MARK3: variants seen among roughly 807,000 people sequenced by gnomAD.
The protein encoded by MARK3 is microtubule affinity regulating kinase 3.
A neutral mutation model predicts 90.1 loss-of-function variants in MARK3; 46 were observed. That is an observed-to-expected ratio of 0.51 (90% CI 0.40 to 0.65). The LOEUF is 0.65. MARK3 is among the 30% of genes least tolerant of loss of function. The pLI is 0.00. For missense variants in MARK3, 818 were observed against 947.2 expected (o/e 0.86, Z 1.79); for synonymous variants, 321 against 332.6 (o/e 0.97, Z 0.38).
chr14:103,486,263 A>G (rs922296774), intron 14 of MARK3, among the ~76,000 whole-genome samples: 3 of 152,086 alleles, frequency 2.0e-5, no homozygotes, highest in African/African-American at 7.2e-5. Context: ...ACATGGTGAA[A>G]CCCCATCTCT....
rs2093143829 is a variant in MARK3, at chr14:103,451,369, A to G, written c.347-549A>G. 2.0e-5 allele frequency among the ~76,000 whole-genome samples: 3 copies of G among 152,300 alleles called. No individual in the cohort carries two copies. The South Asian group carries it at 6.2e-4, about 32-fold the overall frequency. ...CTTATAAAAAAGATTCCCCCCCTCAATTAATTGCAGTATAATCCCTCTACT... is the reference window on the plus strand; with the variant it reads ...CTTATAAAAAAGATTCCCCCCCTCAGTTAATTGCAGTATAATCCCTCTACT... On this transcript the variant is annotated intron_variant, in intron 4 of 17. Transcript: ENST00000429436.
intron 1 of MARK3, among the ~76,000 whole-genome samples, chr14:103,390,715 TATTTTG>T (rs1443236363): frequency 6.6e-6 from 1 of 152,208 alleles, no homozygotes. Context: ...CTGTAGATTT[TATTTTG>T]ATTTTGAGAC....
intron 3 of MARK3, among the ~76,000 whole-genome samples, chr14:103,428,710 C>G (rs2092487899): frequency 6.6e-6 from 1 of 151,798 alleles, no homozygotes; most frequent in Admixed American, 6.6e-5. Context: ...CGAGGCTGTA[C>G]TTTTTATTGA....
In MARK3 at chr14:103,464,229, T is replaced by C. The variant is rs948333376; in HGVS notation, c.541-1328T>C. 3.3e-5 allele frequency among the ~76,000 whole-genome samples: 5 copies of C among 151,026 alleles called. No individual in the cohort carries two copies. The East Asian group carries it at 9.7e-4, about 29-fold the overall frequency. On this transcript the variant is annotated intron_variant, in intron 7 of 17. Transcript: ENST00000429436. ...ATCATTATCCATCCAGACACTAATA[T>C]AGCATCTGCTGTGGAGTAGCCACAT...
At chr14:103,409,972 A>G (rs371894481) in intron 2 of MARK3, among the ~76,000 whole-genome samples, 27 of 152,306 alleles carry the variant, frequency 1.8e-4, no homozygotes, top group South Asian at 8.3e-4. Context: ...GTGGATGACT[A>G]TTTGACATTG....
intron 14 of MARK3, among the ~76,000 whole-genome samples, chr14:103,485,885 A>T (rs1001469754): frequency 2.2e-4 from 33 of 152,190 alleles, no homozygotes; most frequent in African/African-American, 4.6e-4. Context: ...AAATATATAT[A>T]TTTTTTAATT....
At chr14:103,415,505 T>C (rs1365688603) in intron 2 of MARK3, among the ~76,000 whole-genome samples, 1 of 152,240 alleles carries the variant, frequency 6.6e-6, no homozygotes, top group Non-Finnish European at 1.5e-5. Flanking sequence ...ATCCCATATT[T>C]ACTATGAATC....
intron 2 of MARK3, among the ~76,000 whole-genome samples, chr14:103,424,214 GAAAA>G (rs373848330): frequency 6.9e-6 from 1 of 145,250 alleles, no homozygotes; most frequent in East Asian, 2.0e-4. Flanking sequence ...TGTCTCAAGA[GAAAA>G]AAAAAACGCA....
chr14:103,405,248 A>C lies in MARK3; in HGVS notation c.224A>C (p.His75Pro). The C allele has an allele frequency of 6.4e-7, 1 of 1,554,094 alleles. No individual in the cohort carries two copies. The highest frequency in any genetic ancestry group is 8.7e-7 in the Non-Finnish European group (1 of 1,152,428). Residue 75 changes from histidine (H) to proline (P), a missense_variant, in exon 2 of 18, where the codon CAT (histidine) becomes CCT (proline). By Grantham distance (77) the His-to-Pro change is moderately conservative. Transcript: ENST00000429436. ...TTTGCAAAAGTAAAATTGGCAAGAC[A>C]TATCCTTACAGGCAGAGAGGTAAAT... ...GNFAKVKLARHILTGREVAIK... is the reference protein window; with the variant it reads ...GNFAKVKLARPILTGREVAIK...
intron 2 of MARK3, among the ~76,000 whole-genome samples, chr14:103,414,433 G>C (rs766438726): frequency 6.6e-6 from 1 of 152,082 alleles, no homozygotes; most frequent in African/African-American, 2.4e-5. Flanking sequence ...TTGAACTCCC[G>C]ACCTCAGATG....
chr14:103,438,605 G>A (rs2092774299), intron 3 of MARK3, among the ~76,000 whole-genome samples: 1 of 152,142 alleles, frequency 6.6e-6, no homozygotes, highest in Non-Finnish European at 1.5e-5. Context: ...AATTTTTCCT[G>A]ATGTTGCTCT....
intron 12 of MARK3, among the ~76,000 whole-genome samples, chr14:103,468,825 C>T (rs1212346643): frequency 1.4e-5 from 2 of 146,146 alleles, no homozygotes; most frequent in Non-Finnish European, 3.0e-5. Context: ...ATGGGGGTCT[C>T]GCTATGTTGC....
At chr14:103,502,428 C>T (rs1264353395) in intron 17 of MARK3, among the ~76,000 whole-genome samples, 1 of 152,214 alleles carries the variant, frequency 6.6e-6, no homozygotes, top group Non-Finnish European at 1.5e-5. Context: ...TCTCCAGTTA[C>T]CCTGAGTGCC....
chr14:103,457,371 C>T (rs957235075), intron 6 of MARK3, among the ~76,000 whole-genome samples, 159 bp downstream of exon 6: 5 of 152,152 alleles, frequency 3.3e-5, no homozygotes, highest in Non-Finnish European at 5.9e-5. Flanking sequence ...CTTTTCATAC[C>T]TAAGGCACTG....
Position 103,474,965 on chromosome 14 carries a change from C to A in MARK3, c.1265-28C>A. On this transcript the variant is annotated intron_variant, in intron 12 of 17. Coordinates refer to ENST00000429436, the MANE Select transcript of MARK3 (RefSeq NM_001128918.3). Reference sequence around the variant, plus strand: ...AATAAAACTTGAAACTATATTCAGTCATTTAAAAAATGAACTCTTTATTTT... The same window carrying A: ...AATAAAACTTGAAACTATATTCAGTAATTTAAAAAATGAACTCTTTATTTT... 3.2e-6 allele frequency: 5 copies of A among 1,549,350 alleles called. No homozygotes were observed. In the South Asian group the frequency reaches 3.4e-5, roughly 10 times the overall value.
intron 2 of MARK3, among the ~76,000 whole-genome samples, chr14:103,413,121 G>A (rs915007336): frequency 6.6e-6 from 1 of 151,920 alleles, no homozygotes; most frequent in African/African-American, 2.4e-5. Context: ...TGATCCACCC[G>A]CCTCGGCCTC....
At chr14:103,471,057 G>A (rs1214389521) in intron 12 of MARK3, among the ~76,000 whole-genome samples, 1 of 152,102 alleles carries the variant, frequency 6.6e-6, no homozygotes, top group Non-Finnish European at 1.5e-5. Context: ...GCATTTGTAG[G>A]TGACGTGTTG....
intron 2 of MARK3, among the ~76,000 whole-genome samples, chr14:103,419,184 A>C (rs374154037): frequency 6.6e-6 from 1 of 152,100 alleles, no homozygotes; most frequent in Admixed American, 6.5e-5. Context: ...CCCAGCTACC[A>C]GGAGGCTGAG....
At chr14:103,501,688 C>T (rs983154700) in intron 17 of MARK3, among the ~76,000 whole-genome samples, 7 of 152,102 alleles carry the variant, frequency 4.6e-5, no homozygotes, top group African/African-American at 1.7e-4. Context: ...GCGGGCTCCA[C>T]CTCTTCTGCT....
Sources: allele counts gnomAD v4.1 joint callset (sites outside exome capture counted in the v4.1 genomes callset), GRCh38; gene constraint gnomAD v4.1.1; transcripts MANE v1.5; gene names NCBI Gene and HGNC (gene_info 2026-07-23, HGNC 2026-07-21).